Variants in AP3B1 observed in about 807,000 individuals in gnomAD.
The protein encoded by AP3B1 is AP-3 complex subunit beta-1.
In AP3B1, 61 loss-of-function variants were observed where a neutral mutation model predicts 132.5. The observed-to-expected ratio is 0.46, with a 90% CI of 0.37 to 0.57. AP3B1 has a LOEUF of 0.57. Ranked by LOEUF, AP3B1 falls within the 20% of genes least tolerant of loss-of-function variation. The probability of loss-of-function intolerance (pLI) is 0.00; values close to 1 mark genes in which losing one functional copy is unlikely to be tolerated. For synonymous variants in AP3B1, 388 were observed against 438.3 expected, an observed-to-expected ratio of 0.89 and a Z score of 1.43; for missense variants, 1,120 against 1,289.4, an observed-to-expected ratio of 0.87 and a Z score of 2.01.
intron 11 of AP3B1, among the ~76,000 whole-genome samples, chr5:78,170,639 G>A (rs186518979): frequency 6.6e-6 from 1 of 152,212 alleles, no homozygotes; most frequent in Non-Finnish European, 1.5e-5. Flanking sequence ...TTAGCCCTTT[G>A]TCAGATGGGT....
At chr5:78,073,137 T>C (rs1468319163) in intron 22 of AP3B1, among the ~76,000 whole-genome samples, 3 of 152,244 alleles carry the variant, frequency 2.0e-5, no homozygotes, top group East Asian at 1.9e-4. Flanking sequence ...TTAGTGTTCA[T>C]TGGACATGTA....
chr5:78,081,176 T>A (rs371190133), intron 22 of AP3B1, among the ~76,000 whole-genome samples: 19 of 152,108 alleles, frequency 1.2e-4, no homozygotes, highest in South Asian at 4.1e-4. Context: ...AACCCACTGA[T>A]ATTTGGCTTC....
intron 1 of AP3B1, among the ~76,000 whole-genome samples, chr5:78,282,962 A>C (rs896328771): frequency 6.6e-6 from 1 of 152,104 alleles, no homozygotes; most frequent in Non-Finnish European, 1.5e-5. Flanking sequence ...TGATAGGGCC[A>C]CTGCACCCCA....
chr5:78,129,540 T>C (rs1262965472), intron 15 of AP3B1, among the ~76,000 whole-genome samples: 1 of 152,082 alleles, frequency 6.6e-6, no homozygotes, highest in African/African-American at 2.4e-5. Flanking sequence ...TGTGCTAGAT[T>C]ATTAAACTGC....
At position 78,087,599 on chromosome 5, in the gene AP3B1, C is replaced by T. The variant is rs185906914; in HGVS notation, c.2577+1794G>A. 2,853 of 985,296 alleles carry T rather than the reference C, an allele frequency of 2.9e-3. 6 individuals are homozygous for T. Among genetic ancestry groups the T allele is most frequent in the Admixed American group, 3.9e-3 (63 of 16,264 alleles). The allele number at this position is 985,296 out of a possible 1,614,324, so 61.0% of individuals were successfully genotyped here. A position where few individuals can be genotyped will look rare whatever the true frequency, so the allele number is the denominator to read the frequency against. Reference sequence around the variant, plus strand: ...GCTTTTGGGGAGTGAGTGTTGTGGTCCTGCTTCACTCAGCCGTGTCAACTG... The same window carrying T: ...GCTTTTGGGGAGTGAGTGTTGTGGTTCTGCTTCACTCAGCCGTGTCAACTG... On this transcript the variant is annotated intron_variant, in intron 22 of 26. Coordinates refer to ENST00000255194, the MANE Select transcript of AP3B1 (RefSeq NM_003664.5).
chr5:78,166,076 C>T (rs774278033), intron 11 of AP3B1, among the ~76,000 whole-genome samples: 1 of 150,334 alleles, frequency 6.7e-6, no homozygotes, highest in Non-Finnish European at 1.5e-5. Flanking sequence ...GCCGAGATCG[C>T]GCCATTGCAC....
At chr5:78,248,030 T>C (rs1447301779) in intron 2 of AP3B1, among the ~76,000 whole-genome samples, 2 of 152,242 alleles carry the variant, frequency 1.3e-5, no homozygotes, top group African/African-American at 4.8e-5. Flanking sequence ...AGGCATAATC[T>C]ATAGCAATAG....
chr5:78,126,047 G>T (rs1752440767), intron 17 of AP3B1, among the ~76,000 whole-genome samples: 1 of 151,492 alleles, frequency 6.6e-6, no homozygotes, highest in Non-Finnish European at 1.5e-5. Flanking sequence ...AAGGTTAAAA[G>T]GATGGTTCTA....
chr5:78,247,368 T>C (rs1284500877), intron 2 of AP3B1, among the ~76,000 whole-genome samples: 1 of 150,698 alleles, frequency 6.6e-6, no homozygotes, highest in African/African-American at 2.4e-5. Flanking sequence ...AAATGTCAGT[T>C]AGGTCATATA....
intron 22 of AP3B1, among the ~76,000 whole-genome samples, chr5:78,079,534 T>C (rs1749903138): frequency 6.6e-6 from 1 of 152,160 alleles, no homozygotes; most frequent in African/African-American, 2.4e-5. Context: ...CAAAGATTGA[T>C]TTAGTATATA....
Position 78,165,678 on chromosome 5 carries a change from G to A in AP3B1, c.1168-6C>T. On this transcript the variant is annotated splice_polypyrimidine_tract_variant and splice_region_variant and intron_variant, in intron 11 of 26. Coordinates refer to ENST00000255194, the MANE Select transcript of AP3B1 (RefSeq NM_003664.5). ...AAGTTTGTCAAAATTTCAAGCTATA[G>A]TAGAGAAAAGAGAAAGTAAACATTT... 1 of 1,579,988 alleles carries A rather than the reference G, an allele frequency of 6.3e-7. No homozygotes were observed. Among genetic ancestry groups the A allele is most frequent in the Non-Finnish European group, 8.7e-7 (1 of 1,151,276 alleles).
rs1164163562 is a variant in AP3B1 at position 78,294,324 on chromosome 5, G to A, written c.128+128C>T. Reference sequence around the variant, plus strand: ...CCCCACCTACCCACCCGCGGGACACGTTACCGCCCTGCCCTGCTCAGACCT... The same window carrying A: ...CCCCACCTACCCACCCGCGGGACACATTACCGCCCTGCCCTGCTCAGACCT... On this transcript the variant is annotated intron_variant, in intron 1 of 26. Transcript: ENST00000255194. 8.6e-6 allele frequency: 12 copies of A among 1,395,184 alleles called. No individual in the cohort carries two copies. In the African/African-American group the frequency reaches 1.7e-4, roughly 20 times the overall value. 86.4% of individuals were successfully genotyped at this position (1,395,184 alleles called of 1,614,324 possible).
intron 25 of AP3B1, among the ~76,000 whole-genome samples, chr5:78,019,362 A>G (rs1377946412): frequency 1.3e-5 from 2 of 152,122 alleles, no homozygotes; most frequent in African/African-American, 2.4e-5. Flanking sequence ...AGGGTATATA[A>G]TAATCTGCTG....
chr5:78,007,641 T>C (rs1178601863), intron 26 of AP3B1, among the ~76,000 whole-genome samples: 1 of 152,270 alleles, frequency 6.6e-6, no homozygotes, highest in East Asian at 1.9e-4. Context: ...CTCCTAAACA[T>C]CAATACCAAA....
chr5:78,267,384 A>G, intron 2 of AP3B1, 136 bp downstream of exon 2: 1 of 384,086 alleles, frequency 2.6e-6, no homozygotes, highest in East Asian at 4.6e-5. Flanking sequence ...ATTTTTGGAC[A>G]GGAAATTCTA....
chr5:78,237,812 C>G (rs1482666992), intron 3 of AP3B1, among the ~76,000 whole-genome samples: 1 of 151,666 alleles, frequency 6.6e-6, no homozygotes, highest in Non-Finnish European at 1.5e-5. Flanking sequence ...GACCCTGTCT[C>G]CAAAAAAAAA....
intron 15 of AP3B1, among the ~76,000 whole-genome samples, chr5:78,133,320 T>G (rs775859307): frequency 6.8e-4 from 103 of 152,056 alleles, no homozygotes; most frequent in Non-Finnish European, 1.4e-3. Context: ...CTAGAAAGGG[T>G]GGGAAAAAGA....
intron 22 of AP3B1, among the ~76,000 whole-genome samples, chr5:78,071,845 A>G (rs1314408258): frequency 2.6e-5 from 4 of 152,222 alleles, no homozygotes; most frequent in Non-Finnish European, 5.9e-5. Context: ...AAGCCATTTG[A>G]AGTCTCTCCA....
At chr5:78,279,907 AAT>A (rs55881507) in intron 1 of AP3B1, among the ~76,000 whole-genome samples, 15 of 114,346 alleles carry the variant, frequency 1.3e-4, no homozygotes, top group Non-Finnish European at 2.4e-4. Context: ...ATATGACTTA[AAT>A]ATATATATAT....
Sources: gnomAD v4.1 joint callset for allele counts (sites outside exome capture counted in the v4.1 genomes callset) on GRCh38, gnomAD v4.1.1 for gene constraint, MANE v1.5 for transcripts, NCBI Gene and HGNC (gene_info 2026-07-23, HGNC 2026-07-21) for gene names.